The following BACH2 variants were observed in gnomAD, a reference collection of about 807,000 sequenced individuals.
The protein encoded by BACH2 is BACH transcriptional regulator 2.
A neutral mutation model predicts 61.8 loss-of-function variants in BACH2; 5 were observed. That is an observed-to-expected ratio of 0.08 (90% CI 0.04 to 0.17). The LOEUF (loss-of-function observed/expected upper bound fraction) is 0.17. BACH2 is among the 10% of genes least tolerant of loss of function. BACH2 has a pLI of 1.00. For synonymous variants in BACH2, 446 were observed against 440.1 expected, an observed-to-expected ratio of 1.01 and a Z score of -0.17; for missense variants, 824 against 1,091.1, an observed-to-expected ratio of 0.76 and a Z score of 3.45.
intron 6 of BACH2, among the ~76,000 whole-genome samples, chr6:89,994,081 G>A (rs1366131330): frequency 1.3e-5 from 2 of 152,144 alleles, no homozygotes; most frequent in Non-Finnish European, 2.9e-5. Context: ...CAAAGCACAC[G>A]CTTACAGACA....
chr6:89,991,005 G>A (rs564006473), intron 6 of BACH2, among the ~76,000 whole-genome samples: 17 of 152,218 alleles, frequency 1.1e-4, no homozygotes, highest in East Asian at 9.7e-4. Flanking sequence ...CCCATCTAAC[G>A]TTGCACTTCC....
intron 1 of BACH2, among the ~76,000 whole-genome samples, chr6:90,295,260 A>T (rs2127895919): frequency 6.6e-6 from 1 of 152,242 alleles, no homozygotes; most frequent in East Asian, 1.9e-4. Context: ...GCCGCGCCGG[A>T]ACTTCCCTCA....
At chr6:89,968,659 G>C (rs1657667090) in intron 6 of BACH2, among the ~76,000 whole-genome samples, 1 of 152,208 alleles carries the variant, frequency 6.6e-6, no homozygotes, top group African/African-American at 2.4e-5. Flanking sequence ...ATTTACTTGA[G>C]CATTCACTGT....
At chr6:90,295,766 C>T (rs183739953) in intron 1 of BACH2, among the ~76,000 whole-genome samples, 2 of 152,146 alleles carry the variant, frequency 1.3e-5, no homozygotes, top group East Asian at 1.9e-4. Flanking sequence ...TAGGTCTTAG[C>T]TACGCGGGAC....
chr6:90,041,932 T>C (rs1214042011), intron 5 of BACH2, among the ~76,000 whole-genome samples: 1 of 152,174 alleles, frequency 6.6e-6, no homozygotes, highest in Non-Finnish European at 1.5e-5. Context: ...TTTCTAACGT[T>C]TTGAGTTAGA....
intron 5 of BACH2, among the ~76,000 whole-genome samples, chr6:90,012,197 C>A (rs1562367776): frequency 1.3e-5 from 2 of 152,046 alleles, no homozygotes; most frequent in African/African-American, 2.4e-5. Context: ...AATCAGCTTG[C>A]CAATTTCTAC....
At chr6:90,194,872 C>T (rs1768701992) in intron 4 of BACH2, among the ~76,000 whole-genome samples, 2 of 152,200 alleles carry the variant, frequency 1.3e-5, no homozygotes, top group Non-Finnish European at 2.9e-5. Flanking sequence ...TGACAGCACA[C>T]ACTTCCTGCT....
chr6:90,161,703 A>ATCAGAATGCTTAGCAAC (rs961009927), intron 4 of BACH2, among the ~76,000 whole-genome samples: 25 of 152,284 alleles, frequency 1.6e-4, no homozygotes, highest in Non-Finnish European at 3.1e-4. Flanking sequence ...GAAAAAAAAT[A>ATCAGAATGCTTAGCAAC]TCAGAATGCT....
At chr6:90,064,962 G>C (rs1200427879) in intron 5 of BACH2, among the ~76,000 whole-genome samples, 1 of 151,992 alleles carries the variant, frequency 6.6e-6, no homozygotes, top group East Asian at 1.9e-4. Flanking sequence ...TGGACACTGG[G>C]GTCGGGAAGA....
At chr6:90,094,798 G>A (rs576541982) in intron 4 of BACH2, among the ~76,000 whole-genome samples, 2 of 152,104 alleles carry the variant, frequency 1.3e-5, no homozygotes, top group African/African-American at 2.4e-5. Context: ...TGCCACTTCT[G>A]GTTCCCCTGC....
chr6:90,287,142 GT>G (rs1772044067), intron 1 of BACH2, among the ~76,000 whole-genome samples: 2 of 152,034 alleles, frequency 1.3e-5, no homozygotes, highest in Non-Finnish European at 2.9e-5. Context: ...TGGGGGAGAG[GT>G]GGGACTGAAG....
At chr6:89,979,251 C>T (rs1273868087) in intron 6 of BACH2, among the ~76,000 whole-genome samples, 1 of 152,224 alleles carries the variant, frequency 6.6e-6, no homozygotes, top group African/African-American at 2.4e-5. Flanking sequence ...TCACCTAATA[C>T]AAACCACATA....
chr6:89,974,073 T>C (rs1452452766), intron 6 of BACH2, among the ~76,000 whole-genome samples: 1 of 152,224 alleles, frequency 6.6e-6, no homozygotes, highest in Non-Finnish European at 1.5e-5. Context: ...TCTCCAAACC[T>C]ACCGCTGACT....
At chr6:90,237,026 C>T (rs1170520599) in intron 3 of BACH2, among the ~76,000 whole-genome samples, 1 of 152,128 alleles carries the variant, frequency 6.6e-6, no homozygotes, top group African/African-American at 2.4e-5. Context: ...CAGGTTCAAG[C>T]GATTCTCCTG....
At position 90,091,235 on chromosome 6, in the gene BACH2, T is replaced by G. The variant is rs1782145433; in HGVS notation, c.-161-2126A>C. On this transcript the variant is annotated intron_variant, in intron 4 of 8. Transcript: ENST00000257749. ...TTTGGTCAGTACCATCTATAGCATC[T>G]AAACGAAGCAGAGAAAGTCTAAGAA... Among the ~76,000 whole-genome samples, 6 of 152,212 alleles carry G rather than the reference T, an allele frequency of 3.9e-5. No homozygotes were observed. In the South Asian group the frequency reaches 1.2e-3, roughly 32 times the overall value.
intron 7 of BACH2, among the ~76,000 whole-genome samples, chr6:89,940,250 T>A (rs1299988890): frequency 6.6e-6 from 1 of 152,174 alleles, no homozygotes; most frequent in African/African-American, 2.4e-5. Context: ...TCTCAAGTGA[T>A]CCGCCCGCCT....
At chr6:89,965,684 A>T (rs1412781535) in intron 6 of BACH2, among the ~76,000 whole-genome samples, 2 of 152,240 alleles carry the variant, frequency 1.3e-5, no homozygotes, top group Non-Finnish European at 2.9e-5. Flanking sequence ...CATCTGTCAT[A>T]CCTGGTTAGG....
intron 4 of BACH2, among the ~76,000 whole-genome samples, chr6:90,198,508 T>A (rs1273706530): frequency 6.6e-6 from 1 of 152,246 alleles, no homozygotes; most frequent in Non-Finnish European, 1.5e-5. Flanking sequence ...CTATAGGGTC[T>A]TAACACAAAG....
chr6:90,148,151 C>T (rs753979580), intron 4 of BACH2, among the ~76,000 whole-genome samples: 16 of 152,126 alleles, frequency 1.1e-4, no homozygotes, highest in African/African-American at 2.9e-4. Flanking sequence ...AGTGAAGCAT[C>T]GTGCACTAGC....
Sources: gnomAD v4.1 joint callset for allele counts (sites outside exome capture counted in the v4.1 genomes callset) on GRCh38, gnomAD v4.1.1 for gene constraint, MANE v1.5 for transcripts, NCBI Gene and HGNC (gene_info 2026-07-23, HGNC 2026-07-21) for gene names.